Variants in FRMPD4 observed in about 807,000 individuals in gnomAD.
The protein encoded by FRMPD4 is FERM and PDZ domain containing 4.
FRMPD4 carries 22 observed loss-of-function variants against 94.1 expected under a neutral mutation model. The observed-to-expected ratio is 0.23, with a 90% confidence interval of 0.17 to 0.33. FRMPD4 has a LOEUF of 0.33. FRMPD4 is among the 10% of genes least tolerant of loss of function. The pLI, the probability that FRMPD4 is intolerant of heterozygous loss-of-function variation, is 1.00. For missense variants in FRMPD4, 1,111 were observed against 1,339.9 expected, an observed-to-expected ratio of 0.83 and a Z score of 2.67; for synonymous variants, 631 against 548.6, an observed-to-expected ratio of 1.15 and a Z score of -2.10.
At chrX:12,571,393 A>G (rs2148361767) in intron 2 of FRMPD4, among the ~76,000 whole-genome samples, 1 of 112,869 alleles carries the variant, frequency 8.9e-6, no homozygotes, top group African/African-American at 3.2e-5. Flanking sequence ...CTGCAACACG[A>G]CAATGGCTTA....
intron 1 of FRMPD4, among the ~76,000 whole-genome samples, chrX:12,197,796 A>T (rs1569188200): frequency 1.8e-5 from 2 of 112,348 alleles, no homozygotes; most frequent in Admixed American, 1.9e-4. Context: ...ACTTGTGACA[A>T]CATAATTAAA....
At chrX:12,402,249 AC>A (rs11297309) in intron 1 of FRMPD4, among the ~76,000 whole-genome samples, 5,574 of 106,912 alleles carry the variant, frequency 0.052, 349 homozygotes, top group African/African-American at 0.18. Context: ...CTTCTGCGCC[AC>A]CCCCCCCACA....
At chrX:11,928,591 C>G (rs1456472530) in intron 3 of FRMPD4, among the ~76,000 whole-genome samples, 1 of 111,792 alleles carries the variant, frequency 8.9e-6, no homozygotes, top group Non-Finnish European at 1.9e-5. Context: ...GTCAGAATGG[C>G]TATTAAAGTA....
At chrX:12,720,472 A>G in intron 16 of FRMPD4, 62 bp from the exon 17 acceptor site, 1 of 1,141,787 alleles carries the variant, frequency 8.8e-7, no homozygotes, top group South Asian at 1.8e-5. Context: ...GAGATGTAGT[A>G]AAAATGACCT....
rs771844799 is a variant in FRMPD4 at position 12,717,638 on chromosome X, G to A, written c.2812G>A (p.Ala938Thr). ...AGAAAACCTCTCCCGCATGTTCTTG[G>A]CCACTCACGAAGGCTACCACCCCCT... is the stretch of plus-strand genomic sequence containing the variant. ...QSENLSRMFL[A>T]THEGYHPLAE... Residue 938 changes from alanine to threonine, a missense_variant, in exon 16 of 17, where the codon GCC becomes ACC. Physicochemically the swap from Ala to Thr is moderately conservative, Grantham distance 58. Around this residue, in one of 8 missense-constraint regions of FRMPD4, gnomAD observed 551 missense variants for 591.6 expected, o/e 0.93. Coordinates refer to ENST00000675598, the MANE Select transcript of FRMPD4 (RefSeq NM_001368397.1). 1.5e-5 allele frequency: 18 copies of A among 1,209,012 alleles called. No individual in the cohort carries two copies. The highest frequency in any genetic ancestry group is 2.0e-5 in the Non-Finnish European group (18 of 894,214).
chrX:12,585,474 C>T (rs1248425706), intron 2 of FRMPD4, among the ~76,000 whole-genome samples: 1 of 111,993 alleles, frequency 8.9e-6, no homozygotes, highest in Admixed American at 9.4e-5. Flanking sequence ...CTGCCTTGGC[C>T]TCCCAAAGTG....
chrX:12,354,545 C>T (rs1335274523), intron 1 of FRMPD4, among the ~76,000 whole-genome samples: 1 of 112,157 alleles, frequency 8.9e-6, no homozygotes, highest in African/African-American at 3.2e-5. Flanking sequence ...ACTTTTTTCC[C>T]GACTTTATTC....
intron 3 of FRMPD4, among the ~76,000 whole-genome samples, chrX:11,963,902 A>G (rs1403757203): frequency 9.0e-6 from 1 of 111,495 alleles, no homozygotes; most frequent in Non-Finnish European, 1.9e-5. Context: ...TATATAGGTG[A>G]AAAAATTCCC....
chrX:11,844,469 T>G (rs934572783), intron 1 of FRMPD4, among the ~76,000 whole-genome samples: 2 of 111,609 alleles, frequency 1.8e-5, no homozygotes, highest in African/African-American at 6.5e-5. Context: ...ACACCTTGAC[T>G]GGACCATGAG....
intron 1 of FRMPD4, among the ~76,000 whole-genome samples, chrX:12,232,687 C>A (rs2057026013): frequency 9.0e-6 from 1 of 111,620 alleles, no homozygotes; most frequent in African/African-American, 3.3e-5. Context: ...GATCTGAGAA[C>A]TAAATTGTGC....
chrX:12,658,471 TA>T (rs2059681569), intron 4 of FRMPD4, among the ~76,000 whole-genome samples: 1 of 111,791 alleles, frequency 8.9e-6, no homozygotes, highest in South Asian at 3.8e-4. Flanking sequence ...GAAATGTTAA[TA>T]AAGGAGCTGC....
At chrX:12,336,955 G>A (rs1288338686) in intron 1 of FRMPD4, among the ~76,000 whole-genome samples, 1 of 111,441 alleles carries the variant, frequency 9.0e-6, no homozygotes, top group Non-Finnish European at 1.9e-5. Context: ...TATTAGGGGA[G>A]TATGCTGGCA....
intron 1 of FRMPD4, among the ~76,000 whole-genome samples, chrX:12,372,718 A>G (rs1188833142): frequency 8.9e-6 from 1 of 112,443 alleles, no homozygotes; most frequent in Non-Finnish European, 1.9e-5. Context: ...CCTCCAGGTT[A>G]ATTGGGTTTC....
intron 1 of FRMPD4, among the ~76,000 whole-genome samples, chrX:12,168,494 A>G (rs958417275): frequency 9.0e-6 from 1 of 111,370 alleles, no homozygotes; most frequent in Non-Finnish European, 1.9e-5. Flanking sequence ...AATATAATTT[A>G]GGAAGATTTT....
In FRMPD4 at chrX:12,721,129, G is replaced by A. The variant is rs763619084; in HGVS notation, c.4560G>A (p.Glu1520=). The stretch of plus-strand genomic sequence containing the variant: ...ATGAAGATGGTGAGGAAGAAGAGGA[G>A]AGGGGAGAGGCCACCGTCCAGGTCT... ...GQDEDGEEEE[E]RGEATVQVSC... The change falls in exon 17 of 17, where the codon GAG becomes GAA. Residue 1520 remains glutamate (E), a synonymous_variant. Transcript: ENST00000675598. 8.1e-5 allele frequency: 61 copies of A among 755,054 alleles called. No individual in the cohort carries two copies. The African/African-American group carries it at 1.2e-3, about 14-fold the overall frequency. The allele number at this position is 755,054 out of a possible 1,213,427, so 62.2% of individuals were successfully genotyped here. A position where few individuals can be genotyped will look rare whatever the true frequency, so the allele number is the denominator to read the frequency against.
rs771152643 is a variant in FRMPD4 at position 12,360,757 on chromosome X, G to A, written c.42-137923G>A. On this transcript the variant is annotated intron_variant, in intron 1 of 16. Transcript: ENST00000675598. ...ATGCTACATGTTCCTCCATAGAGAC[G>A]GCAACCAAATCTTTGGGAAACTATT... Among the ~76,000 whole-genome samples, 8 of 111,426 alleles carry A rather than the reference G, an allele frequency of 7.2e-5. No individual in the cohort carries two copies. The East Asian group carries it at 1.4e-3, about 20-fold the overall frequency.
intron 1 of FRMPD4, among the ~76,000 whole-genome samples, chrX:11,838,845 A>G (rs2053516672): frequency 8.9e-6 from 1 of 111,842 alleles, no homozygotes; most frequent in Non-Finnish European, 1.9e-5. Flanking sequence ...ATAATATTCC[A>G]TTGTATGGAT....
intron 1 of FRMPD4, among the ~76,000 whole-genome samples, chrX:12,475,283 C>A (rs2057579792): frequency 8.9e-6 from 1 of 112,111 alleles, no homozygotes; most frequent in South Asian, 3.7e-4. Flanking sequence ...TAAAAACTCT[C>A]AATAAATTAG....
At chrX:12,308,148 T>G (rs751862300) in intron 1 of FRMPD4, among the ~76,000 whole-genome samples, 1 of 111,733 alleles carries the variant, frequency 8.9e-6, no homozygotes, top group South Asian at 3.8e-4. Flanking sequence ...ATACAAGAAC[T>G]CACGGGCTGT....
Sources: allele counts gnomAD v4.1 joint callset (sites outside exome capture counted in the v4.1 genomes callset), GRCh38; gene constraint gnomAD v4.1.1; regional missense constraint gnomAD v4.1.1; transcripts MANE v1.5; gene names NCBI Gene and HGNC (gene_info 2026-07-23, HGNC 2026-07-21).